F10: variants seen among roughly 807,000 people sequenced by gnomAD.
The protein encoded by F10 is coagulation factor X.
Under a neutral mutation model 37.1 loss-of-function variants are expected in F10, and 29 were observed. The ratio of observed to expected loss-of-function variants is 0.78; its 90% CI spans 0.58 to 1.07. The LOEUF (loss-of-function observed/expected upper bound fraction) is 1.07, where lower values mean the gene tolerates loss of function less well. Ranked by LOEUF, F10 falls within the 50% of genes least tolerant of loss-of-function variation. F10 has a pLI of 0.00. For missense variants in F10, 539 were observed against 667.9 expected, an observed-to-expected ratio of 0.81 and a Z score of 2.13; for synonymous variants, 262 against 268.6, an observed-to-expected ratio of 0.98 and a Z score of 0.24.
chr13:113,132,333 CT>C (rs1363437574), intron 2 of F10, among the ~76,000 whole-genome samples: 3 of 152,162 alleles, frequency 2.0e-5, no homozygotes, highest in Non-Finnish European at 2.9e-5. Context: ...TTCTCAAACA[CT>C]CTTCTTTACT....
At chr13:113,138,995 G>C (rs1437814168) in intron 3 of F10, among the ~76,000 whole-genome samples, 2 of 152,202 alleles carry the variant, frequency 1.3e-5, no homozygotes, top group Non-Finnish European at 1.5e-5. Flanking sequence ...AGGATGATTT[G>C]GAAAGAGGAA....
intron 1 of F10, 90 bp downstream of exon 1, chr13:113,123,015 G>T: frequency 6.9e-7 from 1 of 1,445,564 alleles, no homozygotes; most frequent in Non-Finnish European, 9.4e-7. Context: ...TCTGCAGCCT[G>T]GACGGTGGGT....
rs1027744484 is a variant in F10, at chr13:113,146,858, G to A, written c.748-521G>A. On this transcript the variant is annotated intron_variant, in intron 6 of 7. Coordinates refer to ENST00000375559, the MANE Select transcript of F10 (RefSeq NM_000504.4). This position sits in a 1 kb window ranked among gnomAD's most constrained non-coding sequence, Gnocchi z 4.5. Reference sequence around the variant, plus strand: ...TGTCAGTGCTTGCTCCCCTGGGACCGTGTTCCAAGTCCTGGCAGGTAGGAG... The same window carrying A: ...TGTCAGTGCTTGCTCCCCTGGGACCATGTTCCAAGTCCTGGCAGGTAGGAG... Among the ~76,000 whole-genome samples, 5 of 152,244 alleles carry A rather than the reference G, an allele frequency of 3.3e-5. No individual in the cohort carries two copies. The highest frequency in any genetic ancestry group is 1.9e-4 in the East Asian group (1 of 5,168).
chr13:113,129,388 T>C (rs372067674), intron 1 of F10, 64 bp from the exon 2 acceptor site: 29 of 1,603,744 alleles, frequency 1.8e-5, no homozygotes, highest in Middle Eastern at 2.2e-4. Context: ...TCAGGGAGCA[T>C]AGGTGAGGGG....
At position 113,149,201 on chromosome 13, in the gene F10, A is replaced by G. The variant is rs369603108; in HGVS notation, c.1151A>G (p.Tyr384Cys). 6 of 1,612,774 alleles carry G rather than the reference A, an allele frequency of 3.7e-6. No individual in the cohort carries two copies. Among genetic ancestry groups the G allele is most frequent in the Non-Finnish European group, 5.1e-6 (6 of 1,179,952 alleles). Residue 384 changes from tyrosine to cysteine, a missense_variant, in exon 8 of 8, where the codon TAC becomes TGC. Tyr to Cys is a radical substitution (Grantham distance 194). This residue lies in a region of F10 where 409 missense variants were observed against 547.9 expected (regional missense o/e 0.75). Coordinates refer to ENST00000375559, the MANE Select transcript of F10 (RefSeq NM_000504.4). The surrounding 1 kb of genome is among the most constrained non-coding windows in gnomAD (Gnocchi z 7.5). ...STRLKMLEVP[Y>C]VDRNSCKLSS... ...AGGCTCAAGATGCTGGAGGTGCCCT[A>G]CGTGGACCGCAACAGCTGCAAGCTG...
chr13:113,144,279 T>G lies in F10; in HGVS notation c.747+184T>G. 1.1e-6 allele frequency: 1 copy of G among 883,914 alleles called. No homozygotes were observed. Among genetic ancestry groups the G allele is most frequent in the Non-Finnish European group, 1.7e-6 (1 of 574,238 alleles). 54.8% of individuals were successfully genotyped at this position (883,914 alleles called of 1,614,324 possible). A position where few individuals can be genotyped will look rare whatever the true frequency, so the allele number is the denominator to read the frequency against. ...TCCCTCCGGGCAGCCAAGGAGGCTG[T>G]GAGCTCCACAGGGAAGTGGCCGGGG... is the stretch of plus-strand genomic sequence containing the variant. On this transcript the variant is annotated intron_variant, in intron 6 of 7. Transcript: ENST00000375559. This position sits in a 1 kb window ranked among gnomAD's most constrained non-coding sequence, Gnocchi z 6.4.
chr13:113,124,482 T>C (rs2036351946), intron 1 of F10, among the ~76,000 whole-genome samples: 1 of 152,198 alleles, frequency 6.6e-6, no homozygotes, highest in Non-Finnish European at 1.5e-5. Flanking sequence ...TGGGTGGACA[T>C]GGCCAGCCCC....
intron 1 of F10, chr13:113,128,195 G>A (rs2036388676): frequency 6.6e-6 from 1 of 152,184 alleles, no homozygotes; most frequent in African/African-American, 2.4e-5. Flanking sequence ...TGAGGACCAC[G>A]ACCCATGACA....
Position 113,143,813 on chromosome 13 carries a change from C to A in F10, c.503-38C>A. Reference sequence around the variant, plus strand: ...GCTGTGCAGGCTATGGGGAGCCTCTCTCTGTGCTGAAGGCCCCGGCCGTCC... The same window carrying A: ...GCTGTGCAGGCTATGGGGAGCCTCTATCTGTGCTGAAGGCCCCGGCCGTCC... On this transcript the variant is annotated intron_variant, in intron 5 of 7. Transcript: ENST00000375559. This position sits in a 1 kb window ranked among gnomAD's most constrained non-coding sequence, Gnocchi z 6.8. The A allele has an allele frequency of 6.2e-7, 1 of 1,607,644 alleles. No individual in the cohort carries two copies. Among genetic ancestry groups the A allele is most frequent in the South Asian group, 1.1e-5 (1 of 90,914 alleles).
rs2036526185 is a variant in F10 at position 113,141,355 on chromosome 13, C to T, written c.502+305C>T. Among the ~76,000 whole-genome samples, 4 of 152,266 alleles carry T rather than the reference C, an allele frequency of 2.6e-5. No homozygotes were observed. In the South Asian group the frequency reaches 6.2e-4, roughly 24 times the overall value. ...CTTGGGTGATCCCTGGAGCACTTTGCATGATGCCTGGCCCACCGCAGGCCC... is the reference window on the plus strand; with the variant it reads ...CTTGGGTGATCCCTGGAGCACTTTGTATGATGCCTGGCCCACCGCAGGCCC... On this transcript the variant is annotated intron_variant, in intron 5 of 7. Transcript: ENST00000375559. The surrounding 1 kb of genome is among the most constrained non-coding windows in gnomAD (Gnocchi z 5.4).
intron 2 of F10, among the ~76,000 whole-genome samples, chr13:113,136,684 T>C (rs1464179313): frequency 0.056 from 389 of 6,962 alleles, 3 homozygotes; most frequent in Non-Finnish European, 0.082. Flanking sequence ...GGAGTCTCGC[T>C]CTGTCGCCCA....
In F10 at chr13:113,144,391, G is replaced by A. The variant is rs879873030; in HGVS notation, c.747+296G>A. 3.9e-5 allele frequency among the ~76,000 whole-genome samples: 6 copies of A among 152,216 alleles called. No homozygotes were observed. Among genetic ancestry groups the A allele is most frequent in the East Asian group, 3.9e-4 (2 of 5,186 alleles). ...TGGCTGCCCGTGGCATGCCCAGGAC[G>A]ATGCTGTCCTGTGAAACAGAAGAGA... is the stretch of plus-strand genomic sequence containing the variant. On this transcript the variant is annotated intron_variant, in intron 6 of 7. Transcript: ENST00000375559. The surrounding 1 kb of genome is among the most constrained non-coding windows in gnomAD (Gnocchi z 6.4).
At chr13:113,129,901 A>G (rs758055877) in intron 2 of F10, 2 of 447,708 alleles carry the variant, frequency 4.5e-6, no homozygotes, top group Non-Finnish European at 8.3e-6. Context: ...CTATTTAAAA[A>G]TAAAATGTTA....
chr13:113,146,556 T>C lies in F10; in HGVS notation c.748-823T>C, dbSNP rs1032084789. 6.6e-6 allele frequency among the ~76,000 whole-genome samples: 1 copy of C among 152,146 alleles called. No individual in the cohort carries two copies. The highest frequency in any genetic ancestry group is 1.5e-5 in the Non-Finnish European group (1 of 68,022). On this transcript the variant is annotated intron_variant, in intron 6 of 7. Transcript: ENST00000375559. This position sits in a 1 kb window ranked among gnomAD's most constrained non-coding sequence, Gnocchi z 4.5. ...TCATCTGCATCTTTAGGAAGAATGG[T>C]TGGTGTTCGTGTCTTAGAAAGCCTG...
At chr13:113,138,406 A>C (rs906148599) in intron 2 of F10, 51 bp from the exon 3 acceptor site, 2 of 935,836 alleles carry the variant, frequency 2.1e-6, no homozygotes, top group East Asian at 2.4e-5. Context: ...TATTGGTATA[A>C]AATGTCTCTG....
intron 7 of F10, 41 bp from the exon 8 acceptor site, chr13:113,148,875 T>C (rs1220308517): frequency 1.9e-6 from 3 of 1,596,034 alleles, no homozygotes; most frequent in Non-Finnish European, 1.7e-6. Context: ...CGAGAGCATG[T>C]CCCTGGCTGA....
At chr13:113,140,077 T>A in intron 4 of F10, among the ~76,000 whole-genome samples, 1 of 145,306 alleles carries the variant, frequency 6.9e-6, no homozygotes, top group Admixed American at 6.8e-5. Flanking sequence ...GATCATCTTT[T>A]TTTTTTTTTT....
In F10 at chr13:113,141,357, T is replaced by C. The variant is rs776897; in HGVS notation, c.502+307T>C. On this transcript the variant is annotated intron_variant, in intron 5 of 7. Coordinates refer to ENST00000375559, the MANE Select transcript of F10 (RefSeq NM_000504.4). This position sits in a 1 kb window ranked among gnomAD's most constrained non-coding sequence, Gnocchi z 5.4. ...TGGGTGATCCCTGGAGCACTTTGCATGATGCCTGGCCCACCGCAGGCCCTC... is the reference window on the plus strand; with the variant it reads ...TGGGTGATCCCTGGAGCACTTTGCACGATGCCTGGCCCACCGCAGGCCCTC... Among the ~76,000 whole-genome samples the C allele has an allele frequency of 0.8, 122,003 of 152,142 alleles. 49,377 individuals carry two copies. The highest frequency in any genetic ancestry group is 0.9 in the East Asian group (4,652 of 5,164).
rs552088533 is a variant in F10, at chr13:113,148,111, C to T, written c.865+615C>T. Among the ~76,000 whole-genome samples the T allele has an allele frequency of 3.9e-5, 6 of 152,050 alleles. No individual in the cohort carries two copies. In the East Asian group the frequency reaches 9.7e-4, roughly 24 times the overall value. ...TTGGGAGGCTGAGGCGGGCAGATCA[C>T]CTGAGGTCAGGAGTTTGAGATCAGC... On this transcript the variant is annotated intron_variant, in intron 7 of 7. Coordinates refer to ENST00000375559, the MANE Select transcript of F10 (RefSeq NM_000504.4).
Sources: allele counts gnomAD v4.1 joint callset (sites outside exome capture counted in the v4.1 genomes callset), GRCh38; gene constraint gnomAD v4.1.1; regional missense constraint gnomAD v4.1.1; non-coding constraint Gnocchi (gnomAD v3.1); transcripts MANE v1.5; gene names NCBI Gene and HGNC (gene_info 2026-07-23, HGNC 2026-07-21).